The following CHM variants were observed in gnomAD, a reference collection of about 807,000 sequenced individuals.
The protein encoded by CHM is CHM Rab escort protein, also known as rab proteins geranylgeranyltransferase component A 1.
Under a neutral mutation model 49.0 loss-of-function variants are expected in CHM, and 10 were observed. The ratio of observed to expected loss-of-function variants is 0.20; its 90% CI spans 0.13 to 0.35. The LOEUF is 0.35. Ranked by LOEUF, CHM falls within the 10% of genes least tolerant of loss-of-function variation. CHM has a pLI of 1.00. For synonymous variants in CHM, 184 were observed against 167.5 expected (o/e 1.10, Z -0.76); for missense variants, 455 against 478.4 (o/e 0.95, Z 0.46).
At position 85,873,220 on chromosome X, in the gene CHM, T is replaced by C; in HGVS notation, c.1610-8A>G. ...TTTCTACTTGTTCATTTTCTAAATATAGAAATAAATTTTATTTACATTCTA... is the reference window on the plus strand; with the variant it reads ...TTTCTACTTGTTCATTTTCTAAATACAGAAATAAATTTTATTTACATTCTA... On this transcript the variant is annotated splice_polypyrimidine_tract_variant and splice_region_variant and intron_variant, in intron 13 of 14. Coordinates refer to ENST00000357749, the MANE Select transcript of CHM (RefSeq NM_000390.4). The C allele has an allele frequency of 9.1e-7, 1 of 1,100,955 alleles. No individual in the cohort carries two copies. Among genetic ancestry groups the C allele is most frequent in the South Asian group, 2.0e-5 (1 of 50,534 alleles). 90.7% of individuals were successfully genotyped at this position (1,100,955 alleles called of 1,213,427 possible). A position where few individuals can be genotyped will look rare whatever the true frequency, so the allele number is the denominator to read the frequency against.
At chrX:85,995,016 A>G (rs918415215) in intron 2 of CHM, among the ~76,000 whole-genome samples, 2 of 110,642 alleles carry the variant, frequency 1.8e-5, no homozygotes, top group Non-Finnish European at 3.8e-5. Flanking sequence ...CACAATTTCT[A>G]CATTAAGAGC....
intron 2 of CHM, among the ~76,000 whole-genome samples, chrX:86,013,733 C>CAAAAAAAAAAAAAAAG (rs61357908): frequency 1.3e-5 from 1 of 78,508 alleles, no homozygotes; most frequent in Admixed American, 1.6e-4. Context: ...GACTTCGTCT[C>CAAAAAAAAAAAAAAAG]AAAAAAAAAA....
At chrX:85,866,232 C>T (rs957673612) in intron 14 of CHM, among the ~76,000 whole-genome samples, 1 of 112,354 alleles carries the variant, frequency 8.9e-6, no homozygotes, top group Non-Finnish European at 1.9e-5. Context: ...TGGTACCCTA[C>T]ATCCCAGCTG....
intron 2 of CHM, among the ~76,000 whole-genome samples, chrX:85,993,695 T>C (rs1459241712): frequency 8.9e-6 from 1 of 111,972 alleles, no homozygotes; most frequent in East Asian, 2.8e-4. Context: ...CTCTGGACAT[T>C]GCCTTTCTCT....
In CHM at chrX:85,965,828, A is replaced by G. The variant is rs1222328285; in HGVS notation, c.315-1776T>C. The stretch of plus-strand genomic sequence containing the variant: ...AACAAATTGATATCATTAATGTTAC[A>G]TGAATATTTTTGAGATCTAGGAAAC... On this transcript the variant is annotated intron_variant, in intron 4 of 14. Coordinates refer to ENST00000357749, the MANE Select transcript of CHM (RefSeq NM_000390.4). 4.5e-5 allele frequency among the ~76,000 whole-genome samples: 5 copies of G among 111,474 alleles called. No individual in the cohort carries two copies. In the East Asian group the frequency reaches 1.4e-3, roughly 32 times the overall value.
At chrX:86,027,260 C>A in intron 2 of CHM, 1 of 326,169 alleles carries the variant, frequency 3.1e-6, no homozygotes, top group Non-Finnish European at 5.1e-6. Context: ...TAAAATGATG[C>A]ATTTGGTTTA....
intron 2 of CHM, among the ~76,000 whole-genome samples, chrX:86,009,286 A>G (rs1275823981): frequency 1.8e-5 from 2 of 112,571 alleles, no homozygotes; most frequent in African/African-American, 6.4e-5. Context: ...CAGGGTTACA[A>G]ATTCTGACCA....
chrX:85,879,859 C>G (rs144958511), intron 12 of CHM, among the ~76,000 whole-genome samples: 194 of 109,793 alleles, frequency 1.8e-3, no homozygotes, highest in African/African-American at 6.1e-3. Flanking sequence ...ACAGTAAGTA[C>G]CAGTACCGAG....
intron 3 of CHM, among the ~76,000 whole-genome samples, chrX:85,979,581 T>C (rs1276116545): frequency 8.9e-6 from 1 of 112,081 alleles, no homozygotes; most frequent in Non-Finnish European, 1.9e-5. Flanking sequence ...GAATACACAG[T>C]ATTTTTGAAG....
rs1382309964 is a variant in CHM at position 85,940,627 on chromosome X, A to G, written c.1166+15526T>C. Among the ~76,000 whole-genome samples, 4 of 24,764 alleles carry G rather than the reference A, an allele frequency of 1.6e-4. No homozygotes were observed. In the East Asian group the frequency reaches 1.7e-3, roughly 10 times the overall value. The allele number at this position is 24,764 out of a possible 115,157, so 21.5% of individuals were successfully genotyped here. On this transcript the variant is annotated intron_variant, in intron 8 of 14. Coordinates refer to ENST00000357749, the MANE Select transcript of CHM (RefSeq NM_000390.4). ...CCAACACAGAGAAAATTATCCTGGC[A>G]AAAAAAAAAAATGTAAATAGTGCTG... is the stretch of plus-strand genomic sequence containing the variant.
At chrX:85,947,478 C>A (rs999837010) in intron 8 of CHM, among the ~76,000 whole-genome samples, 4 of 111,469 alleles carry the variant, frequency 3.6e-5, no homozygotes, top group African/African-American at 1.3e-4. Flanking sequence ...GCTGCCCTTT[C>A]GCCTTCCATC....
intron 11 of CHM, among the ~76,000 whole-genome samples, chrX:85,898,120 C>T (rs1363408961): frequency 9.0e-6 from 1 of 110,707 alleles, no homozygotes; most frequent in Non-Finnish European, 1.9e-5. Flanking sequence ...TCAACTGGGC[C>T]ATTAATATTG....
intron 12 of CHM, 127 bp downstream of exon 12, chrX:85,894,060 TA>T: frequency 2.0e-6 from 1 of 505,058 alleles, no homozygotes; most frequent in Non-Finnish European, 3.3e-6. Context: ...ATCTTTTATA[TA>T]AACAAAAACT....
At chrX:86,047,297 A>T (rs1934687872) in intron 1 of CHM, 187 bp downstream of exon 1, 3 of 496,178 alleles carry the variant, frequency 6.0e-6, no homozygotes, top group Admixed American at 2.7e-5. Flanking sequence ...GGCGATAAGC[A>T]CTGCGGGTCC....
chrX:86,001,141 CAAAT>C (rs1280223071), intron 2 of CHM, among the ~76,000 whole-genome samples: 2 of 110,848 alleles, frequency 1.8e-5, no homozygotes, highest in East Asian at 2.9e-4. Flanking sequence ...TTTAAAAATA[CAAAT>C]AAATAAGAAA....
intron 8 of CHM, among the ~76,000 whole-genome samples, chrX:85,931,333 C>A (rs954507644): frequency 9.0e-6 from 1 of 110,829 alleles, no homozygotes; most frequent in Non-Finnish European, 1.9e-5. Flanking sequence ...ATAAACAGAA[C>A]GCTATCCTTA....
At chrX:85,973,283 G>T (rs1226931375) in intron 4 of CHM, among the ~76,000 whole-genome samples, 2 of 68,048 alleles carry the variant, frequency 2.9e-5, no homozygotes, top group Non-Finnish European at 5.0e-5. Context: ...TGGTGACACA[G>T]TGAGACTCTG....
At chrX:85,940,411 A>C (rs1181143088) in intron 8 of CHM, among the ~76,000 whole-genome samples, 1 of 111,914 alleles carries the variant, frequency 8.9e-6, no homozygotes, top group Non-Finnish European at 1.9e-5. Flanking sequence ...AGACTACAAC[A>C]ATTCAATATA....
At chrX:86,016,464 T>C (rs1016409328) in intron 2 of CHM, among the ~76,000 whole-genome samples, 1 of 112,077 alleles carries the variant, frequency 8.9e-6, no homozygotes, top group Admixed American at 9.4e-5. Flanking sequence ...AGGGGCTTGG[T>C]GCCCTGAGCC....
Sources: gnomAD v4.1 joint callset for allele counts (sites outside exome capture counted in the v4.1 genomes callset) on GRCh38, gnomAD v4.1.1 for gene constraint, MANE v1.5 for transcripts, NCBI Gene and HGNC (gene_info 2026-07-23, HGNC 2026-07-21) for gene names.